Variants in PDCD5 observed in about 807,000 individuals in gnomAD.
PDCD5 encodes programmed cell death 5.
A neutral mutation model predicts 21.9 loss-of-function variants in PDCD5; 23 were observed. That is an observed-to-expected ratio of 1.05 (90% CI 0.76 to 1.49). The LOEUF is 1.49. Among genes scored for constraint, PDCD5 ranks in the 40% most tolerant of loss-of-function variants. PDCD5 has a pLI of 0.00. For synonymous variants in PDCD5, 45 were observed against 49.4 expected (o/e 0.91, Z 0.37); for missense variants, 152 against 147.7 (o/e 1.03, Z -0.15).
intron 4 of PDCD5, chr19:32,586,283 G>T (rs1471859532): frequency 1.0e-5 from 14 of 1,402,236 alleles, no homozygotes; most frequent in Non-Finnish European, 1.2e-5. Context: ...TATGTTCTCT[G>T]TGTTGCTGTA....
intron 4 of PDCD5, 78 bp from the exon 5 acceptor site, chr19:32,586,780 A>G: frequency 6.5e-7 from 1 of 1,541,368 alleles, no homozygotes; most frequent in Non-Finnish European, 8.7e-7. Flanking sequence ...CAAAAAGAGT[A>G]CAAAGTGATT....
intron 2 of PDCD5, among the ~76,000 whole-genome samples, chr19:32,583,502 C>CT (rs1971448912): frequency 6.6e-6 from 1 of 150,406 alleles, no homozygotes; most frequent in African/African-American, 2.5e-5. Flanking sequence ...AGGCTGGTCT[C>CT]AAACTCCTGG....
intron 2 of PDCD5, among the ~76,000 whole-genome samples, chr19:32,582,818 T>A (rs1478403634): frequency 1.3e-5 from 2 of 152,346 alleles, no homozygotes; most frequent in East Asian, 3.9e-4. Context: ...GACAATTCTC[T>A]ATTTCCCCTT....
intron 4 of PDCD5, chr19:32,586,188 G>A (rs1808829813): frequency 6.9e-7 from 1 of 1,446,944 alleles, no homozygotes; most frequent in Non-Finnish European, 9.0e-7. Flanking sequence ...CTGGAAGCAA[G>A]GTTTGTCAGT....
At chr19:32,583,939 C>T (rs1333520634) in intron 2 of PDCD5, among the ~76,000 whole-genome samples, 1 of 152,196 alleles carries the variant, frequency 6.6e-6, no homozygotes, top group African/African-American at 2.4e-5. Context: ...TCAAGCGATT[C>T]TCCTGCCTCT....
chr19:32,586,972 C>G (rs752542933), intron 5 of PDCD5, 43 bp downstream of exon 5: 14 of 1,445,510 alleles, frequency 9.7e-6, no homozygotes, highest in Non-Finnish European at 1.3e-5. Flanking sequence ...AAGATGGATA[C>G]TTTAAAGATT....
chr19:32,586,966 T>G, intron 5 of PDCD5, 37 bp downstream of exon 5: 1 of 1,475,538 alleles, frequency 6.8e-7, no homozygotes, highest in Non-Finnish European at 9.4e-7. Context: ...AATGAAAAGA[T>G]GGATACTTTA....
chr19:32,586,346 C>T (rs1435151674), intron 4 of PDCD5: 1 of 1,265,732 alleles, frequency 7.9e-7, no homozygotes, highest in East Asian at 3.8e-5. Flanking sequence ...CAAGACGAAC[C>T]CCACCTGCCC....
intron 4 of PDCD5, 66 bp from the exon 5 acceptor site, chr19:32,586,792 C>A: frequency 6.4e-7 from 1 of 1,562,788 alleles, no homozygotes. Context: ...AAAGTGATTC[C>A]ATCTGCAGAG....
chr19:32,585,923 C>T lies in PDCD5; in HGVS notation c.258+16C>T, dbSNP rs1971471728. On this transcript the variant is annotated intron_variant, in intron 4 of 5. Transcript: ENST00000590247. ...AAGTGAGAAGGTAAGCTTAGACAGC[C>T]TTGAGGAACTTTACTGTTACCTGCT... 1 of 1,613,422 alleles carries T rather than the reference C, an allele frequency of 6.2e-7. No homozygotes were observed. The highest frequency in any genetic ancestry group is 8.5e-7 in the Non-Finnish European group (1 of 1,179,478).
Position 32,587,244 on chromosome 19 carries a change from T to G in PDCD5, c.331-9T>G, listed in dbSNP as rs776133979. On this transcript the variant is annotated splice_polypyrimidine_tract_variant and intron_variant, in intron 5 of 5. Coordinates refer to ENST00000590247, the MANE Select transcript of PDCD5 (RefSeq NM_004708.4). Reference sequence around the variant, plus strand: ...AAATGTTCTGACACTCATTTAATTTTCCTCCCAGTTCAACAGAAGAAAAGT... The same window carrying G: ...AAATGTTCTGACACTCATTTAATTTGCCTCCCAGTTCAACAGAAGAAAAGT... The G allele has an allele frequency of 6.3e-7, 1 of 1,585,882 alleles. No individual in the cohort carries two copies.
intron 4 of PDCD5, chr19:32,586,510 G>A: frequency 9.1e-7 from 1 of 1,101,458 alleles, no homozygotes; most frequent in South Asian, 3.1e-5. Flanking sequence ...AGCTTCTCGG[G>A]CAGAAGTGGT....
chr19:32,583,523 T>C (rs1018349094), intron 2 of PDCD5, among the ~76,000 whole-genome samples: 1 of 151,336 alleles, frequency 6.6e-6, no homozygotes, highest in Non-Finnish European at 1.5e-5. Context: ...CTTCAAGTGA[T>C]CCTCCCACCT....
rs1599724014 is a variant in PDCD5 at position 32,587,374 on chromosome 19, G to C, written c.*74G>C. 9.6e-7 allele frequency: 1 copy of C among 1,044,368 alleles called. No homozygotes were observed. The highest frequency in any genetic ancestry group is 1.5e-6 in the Non-Finnish European group (1 of 689,328). The allele number at this position is 1,044,368 out of a possible 1,614,324, so 64.7% of individuals were successfully genotyped here. ...AAGTTAAGATCTGATTATTTACTTT[G>C]TTTATTGTCTATATGCCTTTTAAAA... On this transcript the variant is annotated 3_prime_UTR_variant, in exon 6 of 6. Coordinates refer to ENST00000590247, the MANE Select transcript of PDCD5 (RefSeq NM_004708.4).
chr19:32,583,791 G>A (rs987528792), intron 2 of PDCD5, among the ~76,000 whole-genome samples: 1 of 151,998 alleles, frequency 6.6e-6, no homozygotes, highest in Non-Finnish European at 1.5e-5. Context: ...AGCTGTGATT[G>A]CACCACTGTA....
intron 1 of PDCD5, among the ~76,000 whole-genome samples, chr19:32,581,901 C>A (rs1971430583): frequency 6.6e-6 from 1 of 152,204 alleles, no homozygotes; most frequent in African/African-American, 2.4e-5. Context: ...TACCGAGGCC[C>A]GTTTTATTTT....
At chr19:32,582,261 AGGGT>A in intron 2 of PDCD5, 29 bp downstream of exon 2, 1 of 1,591,028 alleles carries the variant, frequency 6.3e-7, no homozygotes. Flanking sequence ...AACTTTTTGA[AGGGT>A]GGTTTCACCA....
intron 4 of PDCD5, chr19:32,586,335 T>A: frequency 7.7e-7 from 1 of 1,293,186 alleles, no homozygotes; most frequent in Non-Finnish European, 9.8e-7. Context: ...GCCTTTGAGA[T>A]CAAGACGAAC....
rs370091519 is a variant in PDCD5 at position 32,585,046 on chromosome 19, C to T, written c.166+35C>T. 177 of 1,520,250 alleles carry T rather than the reference C, an allele frequency of 1.2e-4. No homozygotes were observed. The Middle Eastern group carries it at 2.4e-3, about 20-fold the overall frequency. 94.2% of individuals were successfully genotyped at this position (1,520,250 alleles called of 1,614,324 possible). On this transcript the variant is annotated intron_variant, in intron 3 of 5. Transcript: ENST00000590247. ...TTTGATTTCATTTCCATAAAGTTAG[C>T]TTGAGTTAGTTGAATGGGGTGATTA... is the stretch of plus-strand genomic sequence containing the variant.
Sources: gnomAD v4.1 joint callset for allele counts (sites outside exome capture counted in the v4.1 genomes callset) on GRCh38, gnomAD v4.1.1 for gene constraint, MANE v1.5 for transcripts, NCBI Gene and HGNC (gene_info 2026-07-23, HGNC 2026-07-21) for gene names.